Variants in AQP1 observed in about 807,000 individuals in gnomAD.
AQP1 encodes aquaporin-1.
A neutral mutation model predicts 19.7 loss-of-function variants in AQP1; 11 were observed. The ratio of observed to expected loss-of-function variants is 0.56; its 90% CI spans 0.35 to 0.92. The LOEUF is 0.92. Among genes scored for constraint, AQP1 ranks in the 40% least tolerant of loss-of-function variants. The pLI, the probability that AQP1 is intolerant of heterozygous loss-of-function variation, is 0.01. For synonymous variants in AQP1, 159 were observed against 166.7 expected, an observed-to-expected ratio of 0.95 and a Z score of 0.36; for missense variants, 320 against 369.7, an observed-to-expected ratio of 0.87 and a Z score of 1.10.
intron 1 of AQP1, among the ~76,000 whole-genome samples, chr7:30,914,858 C>A (rs924602521): frequency 7.9e-5 from 12 of 152,346 alleles, no homozygotes; most frequent in African/African-American, 2.6e-4. Flanking sequence ...ACAACTTTCT[C>A]CTGACTGACT....
chr7:30,922,375 C>T, intron 2 of AQP1, 145 bp downstream of exon 2: 1 of 1,378,666 alleles, frequency 7.3e-7, no homozygotes, highest in East Asian at 2.4e-5. Flanking sequence ...GGGCTGGGGG[C>T]AGGGTCCTGC....
intron 1 of AQP1, chr7:30,921,359 G>A (rs1791494076): frequency 2.9e-6 from 4 of 1,378,922 alleles, no homozygotes; most frequent in Non-Finnish European, 3.7e-6. Flanking sequence ...ATCTGGCCAG[G>A]CAGAGGGAGG....
intron 1 of AQP1, among the ~76,000 whole-genome samples, chr7:30,920,535 T>TCGA (rs769266456): frequency 2.0e-5 from 3 of 152,210 alleles, no homozygotes; most frequent in Middle Eastern, 3.2e-3. Flanking sequence ...CCCTCCTGCG[T>TCGA]CGACAACTCT....
intron 1 of AQP1, among the ~76,000 whole-genome samples, chr7:30,916,343 G>C (rs879764514): frequency 2.0e-5 from 3 of 152,262 alleles, no homozygotes; most frequent in Non-Finnish European, 4.4e-5. Flanking sequence ...GCCAATTCCA[G>C]ATGGTACCCC....
intron 1 of AQP1, chr7:30,921,286 A>T: frequency 7.8e-7 from 1 of 1,275,328 alleles, no homozygotes; most frequent in African/African-American, 1.5e-5. Context: ...TTCTCTTTCC[A>T]TGAGTCATGT....
chr7:30,923,328 C>A lies in AQP1; in HGVS notation c.631-122C>A. 4 of 1,546,536 alleles carry A rather than the reference C, an allele frequency of 2.6e-6. No homozygotes were observed. Among genetic ancestry groups the A allele is most frequent in the Non-Finnish European group, 3.5e-6 (4 of 1,145,772 alleles). On this transcript the variant is annotated intron_variant, in intron 3 of 3. Transcript: ENST00000311813. The surrounding 1 kb of genome is among the most constrained non-coding windows in gnomAD (Gnocchi z 4.8). ...ATGATGTTAGGATTTGGCTCTCCTA[C>A]CTGCCTCCATCCCAGGTGGGAAAAA...
chr7:30,911,913 G>A lies in AQP1; in HGVS notation c.4G>A (p.Ala2Thr), dbSNP rs144950903. Reference sequence around the variant, plus strand: ...TCAGGCCAAGCCCCCTGCCAGCATGGCCAGCGAGTTCAAGAAGAAGCTCTT... The same window carrying A: ...TCAGGCCAAGCCCCCTGCCAGCATGACCAGCGAGTTCAAGAAGAAGCTCTT... M[A>T]SEFKKKLFWR... Residue 2 changes from alanine to threonine, a missense_variant, in exon 1 of 4, where the codon GCC becomes ACC. Coordinates refer to ENST00000311813, the MANE Select transcript of AQP1 (RefSeq NM_198098.4). 6.2e-7 allele frequency: 1 copy of A among 1,613,036 alleles called. No individual in the cohort carries two copies. Among genetic ancestry groups the A allele is most frequent in the Non-Finnish European group, 8.5e-7 (1 of 1,180,028 alleles).
chr7:30,913,169 G>A (rs2128588228), intron 1 of AQP1: 1 of 152,468 alleles, frequency 6.6e-6, no homozygotes, highest in Admixed American at 6.5e-5. Context: ...CTAATGACAA[G>A]CAGATGCTGG....
intron 1 of AQP1, among the ~76,000 whole-genome samples, chr7:30,920,353 G>A (rs938415599): frequency 7.9e-5 from 12 of 152,166 alleles, no homozygotes; most frequent in African/African-American, 2.7e-4. Context: ...AAGTGTGGGT[G>A]GGCATCAGGA....
chr7:30,917,268 G>A (rs934125182), intron 1 of AQP1, among the ~76,000 whole-genome samples: 1 of 152,184 alleles, frequency 6.6e-6, no homozygotes, highest in Non-Finnish European at 1.5e-5. Flanking sequence ...GGTACACAAA[G>A]CACATTCTCA....
At position 30,918,299 on chromosome 7, in the gene AQP1, T is replaced by C. The variant is rs558546323; in HGVS notation, c.385-3767T>C. Among the ~76,000 whole-genome samples the C allele has an allele frequency of 2.6e-5, 4 of 152,306 alleles. No individual in the cohort carries two copies. The East Asian group carries it at 7.7e-4, about 29-fold the overall frequency. On this transcript the variant is annotated intron_variant, in intron 1 of 3. Transcript: ENST00000311813. The stretch of plus-strand genomic sequence containing the variant: ...GAGCCACCGCGCCTGGCCAGTTCTT[T>C]TATAGATTTTTAAAATGTAATTATT...
In AQP1 at chr7:30,924,299, G is replaced by C; in HGVS notation, c.*670G>C. 4.1e-6 allele frequency: 1 copy of C among 244,514 alleles called. No individual in the cohort carries two copies. The highest frequency in any genetic ancestry group is 1.7e-3 in the Middle Eastern group (1 of 598). The allele number at this position is 244,514 out of a possible 1,614,324, so 15.1% of individuals were successfully genotyped here. A position where few individuals can be genotyped will look rare whatever the true frequency, so the allele number is the denominator to read the frequency against. Reference sequence around the variant, plus strand: ...AACACAGCATGGGTCCAGAAGACGTGGTCTAGACCAGGGCTGCTCTTTCCA... The same window carrying C: ...AACACAGCATGGGTCCAGAAGACGTCGTCTAGACCAGGGCTGCTCTTTCCA... On this transcript the variant is annotated 3_prime_UTR_variant, in exon 4 of 4. Transcript: ENST00000311813.
intron 1 of AQP1, among the ~76,000 whole-genome samples, chr7:30,915,395 G>A (rs999287575): frequency 1.3e-5 from 2 of 152,204 alleles, no homozygotes; most frequent in African/African-American, 2.4e-5. Context: ...GGGTGGGAGG[G>A]CCAGGAAGGC....
At chr7:30,922,294 T>C in intron 2 of AQP1, 64 bp downstream of exon 2, 3 of 1,524,456 alleles carry the variant, frequency 2.0e-6, no homozygotes, top group Non-Finnish European at 2.6e-6. Context: ...TGGGGTGCCC[T>C]GCCATGGGCA....
chr7:30,922,772 C>G (rs1791557437), intron 3 of AQP1, 128 bp downstream of exon 3: 1 of 964,980 alleles, frequency 1.0e-6, no homozygotes, highest in Non-Finnish European at 1.6e-6. Context: ...AATCAGGAAA[C>G]TGAGGCCTGC....
At chr7:30,915,881 G>A (rs1259065510) in intron 1 of AQP1, among the ~76,000 whole-genome samples, 10 of 152,174 alleles carry the variant, frequency 6.6e-5, no homozygotes, top group Non-Finnish European at 1.2e-4. Flanking sequence ...TCAGGGGAGG[G>A]ATGGGGAAAG....
chr7:30,921,234 CA>C (rs1182335556), intron 1 of AQP1: 8 of 1,116,964 alleles, frequency 7.2e-6, no homozygotes, highest in Non-Finnish European at 8.8e-6. Context: ...GGGGCAGCTG[CA>C]TGGGGAGGGC....
chr7:30,916,444 C>T (rs1791356646), intron 1 of AQP1, among the ~76,000 whole-genome samples: 1 of 152,258 alleles, frequency 6.6e-6, no homozygotes, highest in Non-Finnish European at 1.5e-5. Flanking sequence ...TGGCTGGGAT[C>T]TGAGCCCTCA....
At chr7:30,921,833 A>T in intron 1 of AQP1, 1 of 1,549,236 alleles carries the variant, frequency 6.5e-7, no homozygotes, top group Non-Finnish European at 8.7e-7. Flanking sequence ...GCCTGGGTCT[A>T]GGCAGGTATT....
Sources: allele counts gnomAD v4.1 joint callset (sites outside exome capture counted in the v4.1 genomes callset), GRCh38; gene constraint gnomAD v4.1.1; non-coding constraint Gnocchi (gnomAD v3.1); transcripts MANE v1.5; gene names NCBI Gene and HGNC (gene_info 2026-07-23, HGNC 2026-07-21).